TJP1: variants seen among roughly 807,000 people sequenced by gnomAD.
TJP1 encodes the protein tight junction protein 1.
A neutral mutation model predicts 194.2 loss-of-function variants in TJP1; 43 were observed. The ratio of observed to expected loss-of-function variants is 0.22; its 90% CI spans 0.17 to 0.29. The LOEUF (loss-of-function observed/expected upper bound fraction) is 0.29, where lower values mean the gene tolerates loss of function less well. TJP1 is among the 10% of genes least tolerant of loss of function. The pLI is 1.00. For synonymous variants in TJP1, 801 were observed against 779.0 expected, an observed-to-expected ratio of 1.03 and a Z score of -0.47; for missense variants, 1,971 against 2,185.7, an observed-to-expected ratio of 0.90 and a Z score of 1.96.
intron 2 of TJP1, among the ~76,000 whole-genome samples, chr15:29,913,122 C>T (rs371503577): frequency 1.3e-5 from 2 of 151,772 alleles, no homozygotes; most frequent in African/African-American, 4.8e-5. Context: ...AAAAGTTCTA[C>T]AAACTCACAG....
intron 10 of TJP1, among the ~76,000 whole-genome samples, chr15:29,739,006 T>G (rs2044220359): frequency 6.6e-6 from 1 of 151,924 alleles, no homozygotes; most frequent in Non-Finnish European, 1.5e-5. Context: ...ATCACACCAT[T>G]ATACTCTAGC....
chr15:29,810,219 T>C (rs1050564108), intron 1 of TJP1, among the ~76,000 whole-genome samples: 1 of 152,226 alleles, frequency 6.6e-6, no homozygotes, highest in Admixed American at 6.5e-5. Context: ...GAAGACACAA[T>C]GAATGAAGTA....
chr15:29,892,343 G>C (rs1182344111), intron 2 of TJP1, among the ~76,000 whole-genome samples: 1 of 152,236 alleles, frequency 6.6e-6, no homozygotes, highest in Non-Finnish European at 1.5e-5. Flanking sequence ...ACATAAAAGT[G>C]CAAGGTGAGG....
intron 1 of TJP1, among the ~76,000 whole-genome samples, chr15:29,964,110 T>C (rs2056253908): frequency 6.6e-6 from 1 of 152,214 alleles, no homozygotes; most frequent in South Asian, 2.1e-4. Flanking sequence ...ACTTAGAATG[T>C]TACCATGTTT....
intron 5 of TJP1, among the ~76,000 whole-genome samples, chr15:29,764,478 A>C (rs1427578096): frequency 1.3e-5 from 2 of 152,242 alleles, no homozygotes; most frequent in Admixed American, 1.3e-4. Context: ...CTATGAAGAA[A>C]TCTGCAGAAT....
intron 19 of TJP1, 164 bp from the exon 20 acceptor site, chr15:29,720,180 G>A: frequency 8.9e-7 from 1 of 1,118,428 alleles, no homozygotes; most frequent in Non-Finnish European, 1.2e-6. Context: ...CCAGTACATT[G>A]CTGTGTTAAG....
chr15:29,905,764 T>G (rs2053787304), intron 2 of TJP1, among the ~76,000 whole-genome samples: 1 of 152,230 alleles, frequency 6.6e-6, no homozygotes, highest in Admixed American at 6.5e-5. Context: ...CTTAGTAATC[T>G]GAAAAGGCTG....
intron 8 of TJP1, among the ~76,000 whole-genome samples, chr15:29,756,780 G>A (rs921558710): frequency 6.6e-6 from 1 of 152,074 alleles, no homozygotes; most frequent in African/African-American, 2.4e-5. Flanking sequence ...AAAGATTTGG[G>A]TCAAAGAGCC....
At chr15:29,722,617 C>T (rs2043000281) in intron 18 of TJP1, among the ~76,000 whole-genome samples, 1 of 152,170 alleles carries the variant, frequency 6.6e-6, no homozygotes, top group African/African-American at 2.4e-5. Context: ...GGTTGGAGCC[C>T]CCCACCAGAC....
intron 1 of TJP1, among the ~76,000 whole-genome samples, chr15:29,815,150 G>A (rs1255160196): frequency 6.6e-6 from 1 of 152,146 alleles, no homozygotes; most frequent in African/African-American, 2.4e-5. Context: ...TAAAGCACCT[G>A]GCTAGCCCAT....
intron 25 of TJP1, among the ~76,000 whole-genome samples, chr15:29,706,301 A>G (rs375162574): frequency 2.0e-5 from 3 of 152,210 alleles, no homozygotes. Flanking sequence ...TCAAAAATTC[A>G]ATTTTTGAAG....
chr15:29,816,358 C>T (rs191586393), intron 1 of TJP1, among the ~76,000 whole-genome samples: 1 of 152,082 alleles, frequency 6.6e-6, no homozygotes, highest in Admixed American at 6.6e-5. Context: ...GTAATTTGTG[C>T]CAATATATAA....
intron 4 of TJP1, among the ~76,000 whole-genome samples, chr15:29,770,163 T>C (rs1245907663): frequency 6.6e-6 from 1 of 152,142 alleles, no homozygotes; most frequent in African/African-American, 2.4e-5. Flanking sequence ...TAAAAAATTT[T>C]AGGCTAGGTG....
At chr15:29,897,892 C>G (rs2053526182) in intron 2 of TJP1, among the ~76,000 whole-genome samples, 1 of 152,190 alleles carries the variant, frequency 6.6e-6, no homozygotes, top group South Asian at 2.1e-4. Context: ...TAGGAAGTAA[C>G]TAACTTGCTT....
rs563006679 is a variant in TJP1 at position 29,718,124 on chromosome 15, TAAAAAAAAAA to T, written c.3877-16_3877-7del. 7.0e-7 allele frequency: 1 copy of T among 1,427,694 alleles called. No individual in the cohort carries two copies. The highest frequency in any genetic ancestry group is 9.4e-7 in the Non-Finnish European group (1 of 1,062,708). The allele number at this position is 1,427,694 out of a possible 1,614,324, so 88.4% of individuals were successfully genotyped here. ...TTAGATGCTACTTCTGGAGGCTGTT[TAAAAAAAAAA>T]AAAAAAAAAAGACAAATATGCCTAA... On this transcript the variant is annotated splice_polypyrimidine_tract_variant and splice_region_variant and intron_variant, in intron 21 of 27. Coordinates refer to ENST00000614355, the MANE Select transcript of TJP1 (RefSeq NM_001330239.4).
intron 8 of TJP1, among the ~76,000 whole-genome samples, chr15:29,755,167 C>G (rs1002094275): frequency 5.9e-5 from 9 of 152,124 alleles, no homozygotes; most frequent in Non-Finnish European, 2.9e-5. Context: ...GGTACAGTAA[C>G]CTGCTGTACA....
At chr15:29,796,406 G>GAA (rs1045221356) in intron 2 of TJP1, among the ~76,000 whole-genome samples, 5 of 13,700 alleles carry the variant, frequency 3.6e-4, no homozygotes, top group South Asian at 3.1e-3. Flanking sequence ...ATATTGAAAT[G>GAA]AAAAAAAAAA....
intron 2 of TJP1, among the ~76,000 whole-genome samples, chr15:29,836,976 A>G (rs1159131529): frequency 6.6e-6 from 1 of 152,334 alleles, no homozygotes; most frequent in East Asian, 1.9e-4. Context: ...AGTGAGAAAT[A>G]AATTTATACT....
intron 5 of TJP1, among the ~76,000 whole-genome samples, chr15:29,764,620 C>T (rs954116093): frequency 6.6e-6 from 1 of 151,936 alleles, no homozygotes; most frequent in Admixed American, 6.6e-5. Context: ...GGAGTGAGGA[C>T]ATTCATCATG....
Sources: allele counts gnomAD v4.1 joint callset (sites outside exome capture counted in the v4.1 genomes callset), GRCh38; gene constraint gnomAD v4.1.1; transcripts MANE v1.5; gene names NCBI Gene and HGNC (gene_info 2026-07-23, HGNC 2026-07-21).